Variants in LCP2 observed in about 807,000 individuals in gnomAD.
The protein encoded by LCP2 is 76 kDa tyrosine phosphoprotein.
A neutral mutation model predicts 74.5 loss-of-function variants in LCP2; 29 were observed. The ratio of observed to expected loss-of-function variants is 0.39; its 90% CI spans 0.29 to 0.53. The LOEUF (loss-of-function observed/expected upper bound fraction) is 0.53, where lower values mean the gene tolerates loss of function less well. Among genes scored for constraint, LCP2 ranks in the 20% least tolerant of loss-of-function variants. LCP2 has a pLI of 0.72. For synonymous variants in LCP2, 228 were observed against 229.5 expected (o/e 0.99, Z 0.06); for missense variants, 604 against 634.6 (o/e 0.95, Z 0.52).
At chr5:170,254,600 T>A (rs1445857435) in intron 17 of LCP2, among the ~76,000 whole-genome samples, 1 of 152,196 alleles carries the variant, frequency 6.6e-6, no homozygotes, top group Non-Finnish European at 1.5e-5. Context: ...TCCCCATTTT[T>A]TTTGCAGTCC....
rs1445427824 is a variant in LCP2, at chr5:170,287,969, C to T, written c.188+1G>A. 3 of 1,613,646 alleles carry T rather than the reference C, an allele frequency of 1.9e-6. No individual in the cohort carries two copies. On this transcript the variant is annotated splice_donor_variant, in intron 3 of 20. Coordinates refer to ENST00000046794, the MANE Select transcript of LCP2 (RefSeq NM_005565.5). LOFTEE classifies it high-confidence loss of function. Reference sequence around the variant, plus strand: ...ACCCATAGAGTTGGAGGAGTACTTACGGCACCCGGAGCTTGGGGAACTTCT... The same window carrying T: ...ACCCATAGAGTTGGAGGAGTACTTATGGCACCCGGAGCTTGGGGAACTTCT...
At chr5:170,266,604 C>T (rs1038143207) in intron 10 of LCP2, among the ~76,000 whole-genome samples, 4 of 152,244 alleles carry the variant, frequency 2.6e-5, no homozygotes, top group Non-Finnish European at 5.9e-5. Flanking sequence ...TCGCTACTCC[C>T]AACACTTGGT....
At position 170,256,449 on chromosome 5, in the gene LCP2, A is replaced by G. The variant is rs1761552751; in HGVS notation, c.1150+77T>C. 9.5e-6 allele frequency: 11 copies of G among 1,156,088 alleles called. No individual in the cohort carries two copies. In the South Asian group the frequency reaches 1.2e-4, roughly 13 times the overall value. 71.6% of individuals were successfully genotyped at this position (1,156,088 alleles called of 1,614,324 possible). Reference sequence around the variant, plus strand: ...AGGAAACAATAAAACCTTTGTCGAAAGCTTTTGGGACAGGTTAGGGATCCA... The same window carrying G: ...AGGAAACAATAAAACCTTTGTCGAAGGCTTTTGGGACAGGTTAGGGATCCA... On this transcript the variant is annotated intron_variant, in intron 17 of 20. Coordinates refer to ENST00000046794, the MANE Select transcript of LCP2 (RefSeq NM_005565.5). The surrounding 1 kb of genome is among the most constrained non-coding windows in gnomAD (Gnocchi z 4.5).
Position 170,293,352 on chromosome 5 carries a change from C to G in LCP2, c.99G>C (p.Glu33Asp), listed in dbSNP as rs1210900857. ...CGATGTGGTACTTCTTCACTGCCTT[C>G]TCACAGTCCTTATAGTTGAGCTGCA... ...YFKKLNYKDC[E>D]KAVKKYHIDG... Residue 33 changes from glutamate to aspartate, a missense_variant, in exon 2 of 21, where the codon GAG becomes GAC. Transcript: ENST00000046794. 1 of 1,602,992 alleles carries G rather than the reference C, an allele frequency of 6.2e-7. No individual in the cohort carries two copies. Among genetic ancestry groups the G allele is most frequent in the East Asian group, 2.2e-5 (1 of 44,558 alleles).
At position 170,256,657 on chromosome 5, in the gene LCP2, C is replaced by T. The variant is rs916587714; in HGVS notation, c.1101-82G>A. ...GGGGAGCTGGGTTAGGGAAGCCAGG[C>T]TGCAAATGCTTCTTGATTTGGTATC... On this transcript the variant is annotated intron_variant, in intron 16 of 20. Transcript: ENST00000046794. The surrounding 1 kb of genome is among the most constrained non-coding windows in gnomAD (Gnocchi z 4.5). 2 of 948,000 alleles carry T rather than the reference C, an allele frequency of 2.1e-6. No homozygotes were observed. The highest frequency in any genetic ancestry group is 1.6e-5 in the African/African-American group (1 of 61,978). The allele number at this position is 948,000 out of a possible 1,614,324, so 58.7% of individuals were successfully genotyped here. A position where few individuals can be genotyped will look rare whatever the true frequency, so the allele number is the denominator to read the frequency against.
intron 19 of LCP2, chr5:170,251,163 C>A (rs1418236040): frequency 3.0e-6 from 1 of 328,354 alleles, no homozygotes; most frequent in East Asian, 6.6e-5. Flanking sequence ...AAAACGGAAT[C>A]TTTTGTTCAG....
rs371600845 is a variant in LCP2, at chr5:170,275,340, G to A, written c.266C>T (p.Pro89Leu). ...TTTACCTGTCTCTTCAGGAAACCGC[G>A]GGACTTGGGGTCTGCAAAGGTAAAT... ...RSIFTRKPQV[P>L]RFPEETESHE... The change falls in exon 5 of 21, where the codon CCG (proline) becomes CTG (leucine). Residue 89 changes from proline (P) to leucine (L), a missense_variant. By Grantham distance (98) the Pro-to-Leu change is moderately conservative (BLOSUM62 -3). Coordinates refer to ENST00000046794, the MANE Select transcript of LCP2 (RefSeq NM_005565.5). 80 of 1,613,846 alleles carry A rather than the reference G, an allele frequency of 5.0e-5. No individual in the cohort carries two copies. Among genetic ancestry groups the A allele is most frequent in the Admixed American group, 3.8e-4 (23 of 60,010 alleles).
At chr5:170,285,508 C>A (rs1762169347) in intron 3 of LCP2, among the ~76,000 whole-genome samples, 2 of 152,278 alleles carry the variant, frequency 1.3e-5, no homozygotes, top group Admixed American at 1.3e-4. Flanking sequence ...TTCTGAGATG[C>A]AGTTAAGTTA....
intron 2 of LCP2, among the ~76,000 whole-genome samples, chr5:170,289,623 TTC>T (rs1561978297): frequency 1.3e-3 from 122 of 92,216 alleles, no homozygotes; most frequent in South Asian, 5.8e-3. Flanking sequence ...TTCTTTTTCT[TTC>T]TTTCTTTCTT....
chr5:170,275,716 A>T, intron 4 of LCP2, 79 bp downstream of exon 4: 1 of 1,249,694 alleles, frequency 8.0e-7, no homozygotes, highest in Non-Finnish European at 1.1e-6. Flanking sequence ...AAGTAGGGCA[A>T]AAACAGTTCT....
In LCP2 at chr5:170,250,861, T is replaced by G; in HGVS notation, c.1348A>C (p.Ser450Arg). 1 of 1,613,656 alleles carries G rather than the reference T, an allele frequency of 6.2e-7. No individual in the cohort carries two copies. Among genetic ancestry groups the G allele is most frequent in the East Asian group, 2.2e-5 (1 of 44,878 alleles). ...NQDGTFLVRD[S>R]SKKTTTNPYV... ...GGATTGGTTGTTGTTTTTTTAGAGCTGTCTCTGACCAGAAATGTGCCATCC... is the reference window on the plus strand; with the variant it reads ...GGATTGGTTGTTGTTTTTTTAGAGCGGTCTCTGACCAGAAATGTGCCATCC... Residue 450 changes from serine to arginine, a missense_variant, in exon 20 of 21, where the codon AGC (serine) becomes CGC (arginine). Ser to Arg is a moderately radical substitution (Grantham distance 110). Transcript: ENST00000046794.
At chr5:170,275,109 C>T (rs984695911) in intron 5 of LCP2, among the ~76,000 whole-genome samples, 1 of 152,098 alleles carries the variant, frequency 6.6e-6, no homozygotes, top group African/African-American at 2.4e-5. Flanking sequence ...ATGGTCCCAG[C>T]AGAACAGGGG....
At chr5:170,268,336 A>G in intron 8 of LCP2, 49 bp downstream of exon 8, 1 of 287,216 alleles carries the variant, frequency 3.5e-6, no homozygotes, top group Non-Finnish European at 6.7e-6. Context: ...GGCGGAGGAA[A>G]TAACTGCAGT....
At position 170,248,432 on chromosome 5, in the gene LCP2, A is replaced by T; in HGVS notation, c.*265T>A. 1 of 299,504 alleles carries T rather than the reference A, an allele frequency of 3.3e-6. No individual in the cohort carries two copies. Among genetic ancestry groups the T allele is most frequent in the Non-Finnish European group, 6.2e-6 (1 of 160,150 alleles). The allele number at this position is 299,504 out of a possible 1,614,324, so 18.6% of individuals were successfully genotyped here. Reference sequence around the variant, plus strand: ...TGAAATGGGCATTAAATAATCTTTTAAAAAATGAATTATTACAGTGCACTA... The same window carrying T: ...TGAAATGGGCATTAAATAATCTTTTTAAAAATGAATTATTACAGTGCACTA... On this transcript the variant is annotated 3_prime_UTR_variant, in exon 21 of 21. Transcript: ENST00000046794.
intron 10 of LCP2, among the ~76,000 whole-genome samples, chr5:170,266,592 G>A (rs962855461): frequency 6.6e-6 from 1 of 152,174 alleles, no homozygotes; most frequent in Non-Finnish European, 1.5e-5. Flanking sequence ...TATGGGCTTT[G>A]GTCGCTACTC....
chr5:170,276,085 T>G (rs188197743), intron 3 of LCP2, among the ~76,000 whole-genome samples: 31 of 152,248 alleles, frequency 2.0e-4, no homozygotes, highest in African/African-American at 7.0e-4. Flanking sequence ...AAGCCCTCTC[T>G]CCTCCTTGCT....
rs58508083 is a variant in LCP2 at position 170,264,978 on chromosome 5, C to CTT, written c.772+1828_772+1829dup. ...CCTGAATAAGTATTTCAAAATTTGC[C>CTT]TTTTTTTTTTTTTTTTTTTTTTTTT... On this transcript the variant is annotated intron_variant, in intron 10 of 20. Transcript: ENST00000046794. Among the ~76,000 whole-genome samples the CTT allele has an allele frequency of 2.1e-3, 224 of 108,982 alleles. 22 individuals carry two copies. The highest frequency in any genetic ancestry group is 8.2e-3 in the African/African-American group (199 of 24,362). 71.5% of individuals were successfully genotyped at this position (108,982 alleles called of 152,430 possible). A position where few individuals can be genotyped will look rare whatever the true frequency, so the allele number is the denominator to read the frequency against.
At chr5:170,254,329 C>G (rs76278730) in intron 17 of LCP2, among the ~76,000 whole-genome samples, 1,779 of 152,224 alleles carry the variant, frequency 0.012, 41 homozygotes, top group African/African-American at 0.041. Flanking sequence ...CAAGTACTTC[C>G]GGTGGTTCTA....
At chr5:170,285,329 G>A (rs1438402698) in intron 3 of LCP2, among the ~76,000 whole-genome samples, 5 of 152,068 alleles carry the variant, frequency 3.3e-5, no homozygotes, top group Admixed American at 2.6e-4. Context: ...TCTAATCTCT[G>A]TGTCAGTTAT....
Sources: allele counts gnomAD v4.1 joint callset (sites outside exome capture counted in the v4.1 genomes callset), GRCh38; gene constraint gnomAD v4.1.1; non-coding constraint Gnocchi (gnomAD v3.1); transcripts MANE v1.5; gene names NCBI Gene and HGNC (gene_info 2026-07-23, HGNC 2026-07-21).